The following CSMD1 variants were observed in gnomAD, a reference collection of about 807,000 sequenced individuals.
CSMD1 encodes CUB and Sushi multiple domains 1, also known as CUB and sushi domain-containing protein 1.
Under a neutral mutation model 417.5 loss-of-function variants are expected in CSMD1, and 213 were observed. That is an observed-to-expected ratio of 0.51 (90% CI 0.46 to 0.57). CSMD1 has a LOEUF of 0.57. CSMD1 is among the 20% of genes least tolerant of loss of function. The pLI is 0.00. For synonymous variants in CSMD1, 2,862 were observed against 1,736.8 expected, an observed-to-expected ratio of 1.65 and a Z score of -16.11; for missense variants, 6,923 against 4,529.7, an observed-to-expected ratio of 1.53 and a Z score of -15.17.
chr8:3,934,799 A>G (rs529582543), intron 5 of CSMD1, among the ~76,000 whole-genome samples: 3 of 152,272 alleles, frequency 2.0e-5, no homozygotes, highest in East Asian at 3.9e-4. Flanking sequence ...GTGAGCCAAA[A>G]TCACGCCACT....
intron 1 of CSMD1, among the ~76,000 whole-genome samples, chr8:4,872,670 T>C (rs867567488): frequency 1.3e-5 from 2 of 152,008 alleles, no homozygotes; most frequent in African/African-American, 4.8e-5. Context: ...ATTGCGAGAG[T>C]AGAATTCACA....
intron 5 of CSMD1, among the ~76,000 whole-genome samples, chr8:3,869,927 AG>A (rs1036590396): frequency 6.6e-6 from 1 of 152,214 alleles, no homozygotes; most frequent in Non-Finnish European, 1.5e-5. Flanking sequence ...CCTTTCCTTA[AG>A]CAAAAGAGAG....
chr8:3,088,539 C>G (rs568803510), intron 48 of CSMD1, among the ~76,000 whole-genome samples: 1 of 152,234 alleles, frequency 6.6e-6, no homozygotes, highest in African/African-American at 2.4e-5. Context: ...GAAGCAACAT[C>G]TATGTGTCTG....
At chr8:3,639,201 A>T (rs1797188839) in intron 7 of CSMD1, among the ~76,000 whole-genome samples, 1 of 152,232 alleles carries the variant, frequency 6.6e-6, no homozygotes, top group Non-Finnish European at 1.5e-5. Context: ...GAAAGTAAAG[A>T]CACAGGCCTT....
chr8:3,877,110 C>G (rs774866216), intron 5 of CSMD1, among the ~76,000 whole-genome samples: 4 of 152,192 alleles, frequency 2.6e-5, no homozygotes, highest in Non-Finnish European at 5.9e-5. Context: ...AGTAGTGCAA[C>G]TCCTCGGTGA....
At chr8:3,782,126 T>C (rs995064381) in intron 5 of CSMD1, among the ~76,000 whole-genome samples, 1 of 152,214 alleles carries the variant, frequency 6.6e-6, no homozygotes, top group Non-Finnish European at 1.5e-5. Context: ...AGGGGTCATA[T>C]AATTTCTTTT....
chr8:4,051,823 TTTC>T (rs1798438388), intron 3 of CSMD1, among the ~76,000 whole-genome samples: 1 of 150,824 alleles, frequency 6.6e-6, no homozygotes, highest in African/African-American at 2.4e-5. Flanking sequence ...TTTTCTTCTC[TTTC>T]TTCTCTTTCT....
At chr8:3,019,312 C>A (rs17079078) in intron 51 of CSMD1, among the ~76,000 whole-genome samples, 7,611 of 152,228 alleles carry the variant, frequency 0.05, 188 homozygotes, top group East Asian at 0.07. Flanking sequence ...AGAAGCGTGT[C>A]AATCAAATAA....
intron 7 of CSMD1, among the ~76,000 whole-genome samples, chr8:3,681,389 C>G (rs1257772722): frequency 1.3e-5 from 2 of 152,100 alleles, no homozygotes; most frequent in East Asian, 1.9e-4. Context: ...TTCTTATACA[C>G]CAATAACAGA....
At chr8:3,530,960 C>T (rs916785972) in intron 10 of CSMD1, among the ~76,000 whole-genome samples, 1 of 151,894 alleles carries the variant, frequency 6.6e-6, no homozygotes, top group African/African-American at 2.4e-5. Flanking sequence ...TCAAGCGATT[C>T]TCCTGCCTCA....
intron 1 of CSMD1, among the ~76,000 whole-genome samples, chr8:4,735,055 G>A (rs761478756): frequency 8.5e-5 from 13 of 152,200 alleles, no homozygotes; most frequent in Non-Finnish European, 1.2e-4. Context: ...AGTCAGTTCA[G>A]TAGAAGCAAA....
At chr8:4,307,694 C>T (rs756933147) in intron 3 of CSMD1, among the ~76,000 whole-genome samples, 15 of 152,060 alleles carry the variant, frequency 9.9e-5, no homozygotes, top group Non-Finnish European at 1.8e-4. Context: ...ACTTTGCAAA[C>T]GAACAGCACG....
At chr8:4,715,856 C>T (rs934755966) in intron 1 of CSMD1, among the ~76,000 whole-genome samples, 2 of 152,154 alleles carry the variant, frequency 1.3e-5, no homozygotes, top group African/African-American at 2.4e-5. Flanking sequence ...GCTTGGATTA[C>T]GGGAATTGCC....
Position 3,812,048 on chromosome 8 carries a change from A to G in CSMD1, c.819-58006T>C, listed in dbSNP as rs1585034506. On this transcript the variant is annotated intron_variant, in intron 5 of 69. Coordinates refer to ENST00000635120, the MANE Select transcript of CSMD1 (RefSeq NM_033225.6). ...TGCTTAGTGAGAAAAAAAAAATTCC[A>G]TAAAGCATTTCACGATTTCATCAGT... is the stretch of plus-strand genomic sequence containing the variant. 2.0e-5 allele frequency among the ~76,000 whole-genome samples: 3 copies of G among 152,222 alleles called. No homozygotes were observed. The South Asian group carries it at 6.2e-4, about 32-fold the overall frequency.
chr8:4,880,467 T>G (rs1803317656), intron 1 of CSMD1, among the ~76,000 whole-genome samples: 1 of 152,074 alleles, frequency 6.6e-6, no homozygotes, highest in South Asian at 2.1e-4. Context: ...AGAGAGGAAT[T>G]TCCTGTGCTG....
rs557170459 is a variant in CSMD1, at chr8:3,829,027, T to A, written c.819-74985A>T. ...GTCTACAATCACCTTTCTTTTTTTT[T>A]AAAAAAATGTATTTTTCCGTAAGTT... On this transcript the variant is annotated intron_variant, in intron 5 of 69. Coordinates refer to ENST00000635120, the MANE Select transcript of CSMD1 (RefSeq NM_033225.6). 4.9e-3 allele frequency among the ~76,000 whole-genome samples: 735 copies of A among 151,236 alleles called. 3 individuals are homozygous for A. The highest frequency in any genetic ancestry group is 0.02 in the Middle Eastern group (6 of 294).
At chr8:4,803,234 T>C (rs1798403171) in intron 1 of CSMD1, among the ~76,000 whole-genome samples, 1 of 152,220 alleles carries the variant, frequency 6.6e-6, no homozygotes, top group African/African-American at 2.4e-5. Context: ...CTTTTGAATA[T>C]AAATTCATGG....
rs753571988 is a variant in CSMD1, at chr8:3,369,335, T to C, written c.2818A>G (p.Thr940Ala). The change falls in exon 19 of 70, where the codon ACA becomes GCA. Residue 940 changes from threonine to alanine, a missense_variant. Thr to Ala is a moderately conservative substitution (Grantham distance 58, BLOSUM62 0). Transcript: ENST00000635120. ...CGGYIQGKSG[T>A]VLSPGFPDFY... is the part of the protein sequence containing the mutation. ...TCTGGAAACCCAGGAGAAAGGACTG[T>C]TCCACTCTTCCCTTGGATGTAGCCT... The C allele has an allele frequency of 4.4e-6, 7 of 1,600,134 alleles. No individual in the cohort carries two copies. The highest frequency in any genetic ancestry group is 2.7e-5 in the African/African-American group (2 of 74,606).
chr8:3,614,325 C>A (rs1315298180), intron 8 of CSMD1, among the ~76,000 whole-genome samples: 1 of 151,978 alleles, frequency 6.6e-6, no homozygotes, highest in African/African-American at 2.4e-5. Context: ...TATACGTCTG[C>A]ACAACCTAGA....
Sources: allele counts gnomAD v4.1 joint callset (sites outside exome capture counted in the v4.1 genomes callset), GRCh38; gene constraint gnomAD v4.1.1; transcripts MANE v1.5; gene names NCBI Gene and HGNC (gene_info 2026-07-23, HGNC 2026-07-21).